OSBP2: variants seen among roughly 807,000 people sequenced by gnomAD.
The protein encoded by OSBP2 is oxysterol binding protein 2, also known as oxysterol-binding protein 2.
A neutral mutation model predicts 96.0 loss-of-function variants in OSBP2; 66 were observed. The observed-to-expected ratio is 0.69, with a 90% confidence interval of 0.56 to 0.84. The LOEUF (loss-of-function observed/expected upper bound fraction) is 0.84. OSBP2 is among the 40% of genes least tolerant of loss of function. The pLI is 0.00. For missense variants in OSBP2, 1,038 were observed against 1,222.7 expected (o/e 0.85, Z 2.25); for synonymous variants, 525 against 520.9 (o/e 1.01, Z -0.11).
intron 2 of OSBP2, among the ~76,000 whole-genome samples, chr22:30,843,351 C>T (rs2038794785): frequency 6.6e-6 from 1 of 152,106 alleles, no homozygotes; most frequent in East Asian, 1.9e-4. Context: ...AGCCAGGCTC[C>T]CACATTGTCC....
chr22:30,698,632 G>A (rs2089098073), intron 1 of OSBP2, among the ~76,000 whole-genome samples: 1 of 151,966 alleles, frequency 6.6e-6, no homozygotes, highest in African/African-American at 2.4e-5. Flanking sequence ...TAGAGACGGG[G>A]TTTCACCATA....
At chr22:30,716,386 AG>A (rs1161143625) in intron 1 of OSBP2, among the ~76,000 whole-genome samples, 1 of 151,982 alleles carries the variant, frequency 6.6e-6, no homozygotes, top group African/African-American at 2.4e-5. Flanking sequence ...TAACATCTTT[AG>A]AGAAATGTCT....
intron 2 of OSBP2, among the ~76,000 whole-genome samples, chr22:30,751,029 C>G (rs528914408): frequency 9.8e-5 from 15 of 152,334 alleles, no homozygotes; most frequent in African/African-American, 3.6e-4. Context: ...GCGTGAGCCA[C>G]TGCACCCGGC....
At chr22:30,733,005 G>A (rs1043960277) in intron 1 of OSBP2, among the ~76,000 whole-genome samples, 2 of 152,192 alleles carry the variant, frequency 1.3e-5, no homozygotes, top group African/African-American at 4.8e-5. Context: ...GGACCATGGT[G>A]CTGCTGGAGG....
chr22:30,858,905 A>ATAAT (rs1555921916), intron 2 of OSBP2, among the ~76,000 whole-genome samples: 201 of 150,754 alleles, frequency 1.3e-3, no homozygotes, highest in African/African-American at 4.7e-3. Flanking sequence ...AATAATAATA[A>ATAAT]TAATAATAAA....
chr22:30,774,182 C>T lies in OSBP2; in HGVS notation c.853+32813C>T, dbSNP rs138671468. 1.3e-3 allele frequency among the ~76,000 whole-genome samples: 203 copies of T among 152,274 alleles called. 1 individual carries two copies. Among genetic ancestry groups the T allele is most frequent in the African/African-American group, 4.8e-3 (198 of 41,554 alleles). On this transcript the variant is annotated intron_variant, in intron 2 of 13. Transcript: ENST00000332585. Reference sequence around the variant, plus strand: ...CTTCCTTGGCTACGTAGCTGTGGTACCTGGGCAAGCCCACCAACTCCTCCA... The same window carrying T: ...CTTCCTTGGCTACGTAGCTGTGGTATCTGGGCAAGCCCACCAACTCCTCCA...
intron 3 of OSBP2, among the ~76,000 whole-genome samples, chr22:30,873,544 A>G (rs2039506518): frequency 6.6e-6 from 1 of 152,156 alleles, no homozygotes; most frequent in South Asian, 2.1e-4. Flanking sequence ...CCGATCTCAC[A>G]GTGAGAGGGA....
chr22:30,705,939 A>G (rs1286230621), intron 1 of OSBP2, among the ~76,000 whole-genome samples: 2 of 152,160 alleles, frequency 1.3e-5, no homozygotes, highest in Non-Finnish European at 2.9e-5. Flanking sequence ...ATATTCAAAC[A>G]TGTGGCTTTC....
At chr22:30,745,806 G>GA (rs1295593065) in intron 2 of OSBP2, among the ~76,000 whole-genome samples, 1 of 151,650 alleles carries the variant, frequency 6.6e-6, no homozygotes, top group East Asian at 1.9e-4. Flanking sequence ...GCTAGACTAA[G>GA]AAAAAAAGAG....
intron 1 of OSBP2, among the ~76,000 whole-genome samples, chr22:30,724,900 G>C (rs905918314): frequency 1.3e-5 from 2 of 152,128 alleles, no homozygotes; most frequent in Non-Finnish European, 2.9e-5. Context: ...TAAGCCGGGC[G>C]CAGTGGCTCA....
In OSBP2 at chr22:30,800,455, G is replaced by A. The variant is rs532982386; in HGVS notation, c.853+59086G>A. ...CCATGGACATGCTTCTGTCTTCAGAGAACACCTGAGAGAGCAAAGCACAGC... is the reference window on the plus strand; with the variant it reads ...CCATGGACATGCTTCTGTCTTCAGAAAACACCTGAGAGAGCAAAGCACAGC... On this transcript the variant is annotated intron_variant, in intron 2 of 13. Transcript: ENST00000332585. Among the ~76,000 whole-genome samples the A allele has an allele frequency of 1.8e-4, 27 of 152,294 alleles. No homozygotes were observed. In the East Asian group the frequency reaches 4.8e-3, roughly 27 times the overall value.
At chr22:30,781,909 G>A (rs1156970278) in intron 2 of OSBP2, among the ~76,000 whole-genome samples, 1 of 152,208 alleles carries the variant, frequency 6.6e-6, no homozygotes, top group Non-Finnish European at 1.5e-5. Flanking sequence ...CACTTTGGGA[G>A]GCCGAGGTGG....
At chr22:30,704,736 G>A (rs1253329864) in intron 1 of OSBP2, among the ~76,000 whole-genome samples, 3 of 152,100 alleles carry the variant, frequency 2.0e-5, no homozygotes, top group Non-Finnish European at 2.9e-5. Context: ...GGTATTACAG[G>A]TGTGAGCTGG....
intron 2 of OSBP2, among the ~76,000 whole-genome samples, chr22:30,853,765 TC>T (rs2039022057): frequency 7.5e-6 from 1 of 133,832 alleles, no homozygotes. Flanking sequence ...ACCTCTTTTT[TC>T]TTTCTTTCTT....
intron 2 of OSBP2, among the ~76,000 whole-genome samples, chr22:30,842,883 G>A (rs949699960): frequency 7.2e-5 from 11 of 152,112 alleles, no homozygotes; most frequent in African/African-American, 2.2e-4. Flanking sequence ...GGGTTCAAGC[G>A]ATTCTCCTGC....
Position 30,905,960 on chromosome 22 carries a change from T to TTGGGACGA in OSBP2, c.2500_2507dup (p.Glu836AspfsTer56), listed in dbSNP as rs1468894170. 6.2e-7 allele frequency: 1 copy of TTGGGACGA among 1,610,806 alleles called. No homozygotes were observed. Among genetic ancestry groups the TTGGGACGA allele is most frequent in the Non-Finnish European group, 8.5e-7 (1 of 1,179,060 alleles). ...ACCAGCGGCTGATGGAGAAGGGCCG[T>TTGGGACGA]TGGGACGAGGCCAATACCGAGAAGC... On this transcript the variant is annotated frameshift_variant, in exon 13 of 14. Transcript: ENST00000332585. LOFTEE classifies it high-confidence loss of function.
chr22:30,893,354 C>T lies in OSBP2; in HGVS notation c.1991-109C>T, dbSNP rs547940505. 4.1e-5 allele frequency: 63 copies of T among 1,534,624 alleles called. 1 individual carries two copies. The African/African-American group carries it at 7.4e-4, about 18-fold the overall frequency. ...CTTCCAAGGGAGACCTCCCTGTAGG[C>T]CTGCCTCTTCAACCCCCCAGCCTAG... On this transcript the variant is annotated intron_variant, in intron 9 of 13. Transcript: ENST00000332585.
chr22:30,863,800 G>A (rs189656045), intron 2 of OSBP2, among the ~76,000 whole-genome samples: 378 of 152,294 alleles, frequency 2.5e-3, no homozygotes, highest in African/African-American at 8.6e-3. Flanking sequence ...ATCAGCCTCC[G>A]ACACAGCAGC....
chr22:30,808,239 A>T (rs1457375447), intron 2 of OSBP2, among the ~76,000 whole-genome samples: 1 of 152,024 alleles, frequency 6.6e-6, no homozygotes, highest in Non-Finnish European at 1.5e-5. Context: ...GGTAGCTCAC[A>T]CCTATATTCC....
Sources: gnomAD v4.1 joint callset for allele counts (sites outside exome capture counted in the v4.1 genomes callset) on GRCh38, gnomAD v4.1.1 for gene constraint, MANE v1.5 for transcripts, NCBI Gene and HGNC (gene_info 2026-07-23, HGNC 2026-07-21) for gene names.